Variants in ATP6V0E1 observed in about 807,000 individuals in gnomAD.
ATP6V0E1 encodes the protein V-type proton ATPase subunit e 1.
In ATP6V0E1, 4 loss-of-function variants were observed where a neutral mutation model predicts 11.6. The observed-to-expected ratio is 0.35, with a 90% CI of 0.17 to 0.79. ATP6V0E1 has a LOEUF of 0.79. Among genes scored for constraint, ATP6V0E1 ranks in the 30% least tolerant of loss-of-function variants. ATP6V0E1 has a pLI of 0.54. For synonymous variants in ATP6V0E1, 36 were observed against 34.8 expected, an observed-to-expected ratio of 1.04 and a Z score of -0.13; for missense variants, 105 against 100.0, an observed-to-expected ratio of 1.05 and a Z score of -0.21.
chr5:173,012,703 GA>G (rs1756346107), intron 2 of ATP6V0E1, among the ~76,000 whole-genome samples: 1 of 151,204 alleles, frequency 6.6e-6, no homozygotes, highest in Non-Finnish European at 1.5e-5. Flanking sequence ...GCCATGAGCT[GA>G]GATCGCGTGC....
intron 2 of ATP6V0E1, among the ~76,000 whole-genome samples, chr5:173,008,771 C>T (rs1312492773): frequency 1.3e-5 from 2 of 149,744 alleles, no homozygotes; most frequent in African/African-American, 2.4e-5. Flanking sequence ...ATTAGCTGGG[C>T]GTGGTGGCGG....
intron 2 of ATP6V0E1, among the ~76,000 whole-genome samples, chr5:173,019,414 G>A (rs965514088): frequency 1.5e-4 from 23 of 152,236 alleles, no homozygotes; most frequent in African/African-American, 5.5e-4. Context: ...AATGAGCTGG[G>A]CGTGGTGGCG....
chr5:173,029,327 T>G (rs1384453063), intron 3 of ATP6V0E1, among the ~76,000 whole-genome samples: 1 of 152,218 alleles, frequency 6.6e-6, no homozygotes, highest in Non-Finnish European at 1.5e-5. Flanking sequence ...GGTTCAGCCA[T>G]GTCTCCATTT....
At chr5:173,031,670 T>A (rs1756656817) in intron 3 of ATP6V0E1, among the ~76,000 whole-genome samples, 2 of 151,416 alleles carry the variant, frequency 1.3e-5, no homozygotes, top group African/African-American at 4.9e-5. Flanking sequence ...ATACAAAAAA[T>A]TAGCCAGGTA....
chr5:172,994,668 G>A, intron 1 of ATP6V0E1, 107 bp from the exon 2 acceptor site: 1 of 885,408 alleles, frequency 1.1e-6, no homozygotes. Flanking sequence ...TTCTTGGTGT[G>A]CAATCCATGC....
Position 172,985,161 on chromosome 5 carries a change from C to T in ATP6V0E1, c.104+1197C>T, listed in dbSNP as rs189733404. On this transcript the variant is annotated intron_variant, in intron 1 of 3. Transcript: ENST00000519374. Reference sequence around the variant, plus strand: ...TCGGGAGGCTGAGGCAGGAGAATGGCGTGAACCCAGGAGGCAGAGCTTGCA... The same window carrying T: ...TCGGGAGGCTGAGGCAGGAGAATGGTGTGAACCCAGGAGGCAGAGCTTGCA... Among the ~76,000 whole-genome samples, 336 of 150,196 alleles carry T rather than the reference C, an allele frequency of 2.2e-3. 1 individual carries two copies. Among genetic ancestry groups the T allele is most frequent in the African/African-American group, 7.8e-3 (320 of 40,852 alleles).
intron 2 of ATP6V0E1, among the ~76,000 whole-genome samples, chr5:173,014,949 C>G (rs1756381445): frequency 6.6e-6 from 1 of 152,180 alleles, no homozygotes; most frequent in African/African-American, 2.4e-5. Flanking sequence ...AAAACAGTTT[C>G]TAAATACTGA....
chr5:172,996,252 A>G (rs1756064462), intron 2 of ATP6V0E1, among the ~76,000 whole-genome samples: 1 of 152,234 alleles, frequency 6.6e-6, no homozygotes, highest in Non-Finnish European at 1.5e-5. Flanking sequence ...GCACATCAGC[A>G]AAGTCCAGTA....
chr5:172,998,920 C>T (rs1388666723), intron 2 of ATP6V0E1, among the ~76,000 whole-genome samples: 4 of 152,078 alleles, frequency 2.6e-5, no homozygotes, highest in African/African-American at 9.7e-5. Flanking sequence ...GCAGGCGGAT[C>T]ACAAGGTCAG....
At chr5:173,017,497 G>A (rs1756418905) in intron 2 of ATP6V0E1, among the ~76,000 whole-genome samples, 1 of 146,070 alleles carries the variant, frequency 6.8e-6, no homozygotes, top group African/African-American at 2.6e-5. Flanking sequence ...TCGTGCCATC[G>A]CACTCCAGCC....
At chr5:173,019,010 C>T (rs1279417520) in intron 2 of ATP6V0E1, among the ~76,000 whole-genome samples, 1 of 152,052 alleles carries the variant, frequency 6.6e-6, no homozygotes, top group African/African-American at 2.4e-5. Flanking sequence ...GGCTGGAGTG[C>T]AGTGATGTAA....
In ATP6V0E1 at chr5:172,994,863, AGT is replaced by A. The variant is rs745395149; in HGVS notation, c.152+47_152+48del. On this transcript the variant is annotated intron_variant, in intron 2 of 3. Transcript: ENST00000519374. Reference sequence around the variant, plus strand: ...TTAAGTAATTATTCTTGGTATTTGTAGTGTGTGCGATTTACACATTTGTTTTA... The same window carrying A: ...TTAAGTAATTATTCTTGGTATTTGTAGTGTGCGATTTACACATTTGTTTTA... 26 of 1,481,462 alleles carry A rather than the reference AGT, an allele frequency of 1.8e-5. No individual in the cohort carries two copies. In the East Asian group the frequency reaches 5.9e-4, roughly 34 times the overall value. The allele number at this position is 1,481,462 out of a possible 1,614,324, so 91.8% of individuals were successfully genotyped here.
At chr5:173,009,190 C>A (rs530072395) in intron 2 of ATP6V0E1, among the ~76,000 whole-genome samples, 2 of 151,856 alleles carry the variant, frequency 1.3e-5, no homozygotes, top group Non-Finnish European at 2.9e-5. Flanking sequence ...TGCACCACTG[C>A]GCTCCAGCCT....
chr5:173,021,388 G>C (rs563147), intron 3 of ATP6V0E1, among the ~76,000 whole-genome samples: 1,837 of 152,218 alleles, frequency 0.012, 24 homozygotes, highest in African/African-American at 0.031. Flanking sequence ...ATGAAAGGCA[G>C]TTCTTACATG....
chr5:172,992,637 G>C (rs1308184507), intron 1 of ATP6V0E1, among the ~76,000 whole-genome samples: 1 of 152,014 alleles, frequency 6.6e-6, no homozygotes, highest in African/African-American at 2.4e-5. Context: ...CCAACCCCTG[G>C]TAGACCCCGT....
intron 2 of ATP6V0E1, among the ~76,000 whole-genome samples, chr5:173,011,394 G>A (rs1339527569): frequency 6.6e-6 from 1 of 151,922 alleles, no homozygotes; most frequent in Non-Finnish European, 1.5e-5. Context: ...ATGTTGCTCA[G>A]GCTGGTCTTG....
chr5:173,031,461 A>G (rs1300431107), intron 3 of ATP6V0E1, among the ~76,000 whole-genome samples: 5 of 140,010 alleles, frequency 3.6e-5, no homozygotes, highest in Non-Finnish European at 6.1e-5. Context: ...GAGAACATGG[A>G]CCCTTTGATT....
intron 3 of ATP6V0E1, among the ~76,000 whole-genome samples, chr5:173,032,259 T>C (rs1368451042): frequency 8.6e-6 from 1 of 116,752 alleles, no homozygotes; most frequent in Non-Finnish European, 1.9e-5. Context: ...TTTTATTTAT[T>C]TATTTATTTA....
chr5:172,993,884 A>G (rs1756025720), intron 1 of ATP6V0E1, among the ~76,000 whole-genome samples: 1 of 152,130 alleles, frequency 6.6e-6, no homozygotes, highest in Non-Finnish European at 1.5e-5. Context: ...AACAGGAGTT[A>G]TAATATTTGG....
Sources: gnomAD v4.1 joint callset for allele counts (sites outside exome capture counted in the v4.1 genomes callset) on GRCh38, gnomAD v4.1.1 for gene constraint, MANE v1.5 for transcripts, NCBI Gene and HGNC (gene_info 2026-07-23, HGNC 2026-07-21) for gene names.